CDH12: variants seen among roughly 807,000 people sequenced by gnomAD.
CDH12 encodes cadherin-12.
A neutral mutation model predicts 74.1 loss-of-function variants in CDH12; 41 were observed. The ratio of observed to expected loss-of-function variants is 0.55; its 90% CI spans 0.43 to 0.72. The LOEUF (loss-of-function observed/expected upper bound fraction) is 0.72, where lower values mean the gene tolerates loss of function less well. Among genes scored for constraint, CDH12 ranks in the 30% least tolerant of loss-of-function variants. The probability of loss-of-function intolerance (pLI) is 0.00; values close to 1 mark genes in which losing one functional copy is unlikely to be tolerated. For synonymous variants in CDH12, 399 were observed against 355.0 expected, an observed-to-expected ratio of 1.12 and a Z score of -1.39; for missense variants, 945 against 977.2, an observed-to-expected ratio of 0.97 and a Z score of 0.44.
At chr5:22,356,052 CAGTT>C (rs1292642332) in intron 3 of CDH12, among the ~76,000 whole-genome samples, 1 of 152,052 alleles carries the variant, frequency 6.6e-6, no homozygotes, top group East Asian at 1.9e-4. Context: ...AAAATAGAAG[CAGTT>C]AGAGCAGTCA....
chr5:22,577,212 TA>T (rs1326378233), intron 1 of CDH12, among the ~76,000 whole-genome samples: 147 of 152,184 alleles, frequency 9.7e-4, no homozygotes, highest in Middle Eastern at 3.4e-3. Flanking sequence ...CCCTCATCTA[TA>T]AAAAAACGGG....
At chr5:22,807,634 G>A (rs568707152) in intron 1 of CDH12, among the ~76,000 whole-genome samples, 1 of 152,290 alleles carries the variant, frequency 6.6e-6, no homozygotes, top group Admixed American at 6.5e-5. Flanking sequence ...ATGTGTTACA[G>A]CCTATTGCTC....
intron 6 of CDH12, among the ~76,000 whole-genome samples, chr5:21,875,383 T>A (rs1234353075): frequency 2.6e-5 from 4 of 152,224 alleles, no homozygotes. Context: ...GCTTAATAAC[T>A]GGCACTTAGT....
chr5:22,283,205 G>GATATATATAT (rs1229134274), intron 3 of CDH12, among the ~76,000 whole-genome samples: 15 of 107,982 alleles, frequency 1.4e-4, no homozygotes, highest in African/African-American at 5.0e-4. Context: ...ACATCTGTGA[G>GATATATATAT]ATATATATAT....
intron 4 of CDH12, among the ~76,000 whole-genome samples, chr5:22,087,898 T>C (rs1743172889): frequency 6.6e-6 from 1 of 152,180 alleles, no homozygotes; most frequent in Non-Finnish European, 1.5e-5. Context: ...TGGGGATTGA[T>C]GGTGAGCTGC....
At chr5:22,090,278 A>G (rs1223967894) in intron 4 of CDH12, among the ~76,000 whole-genome samples, 1 of 151,960 alleles carries the variant, frequency 6.6e-6, no homozygotes, top group Non-Finnish European at 1.5e-5. Flanking sequence ...AAATTAAACA[A>G]CATTGATGAA....
rs1580751119 is a variant in CDH12, at chr5:22,544,983, G to T, written c.-522-39619C>A. Among the ~76,000 whole-genome samples, 4 of 151,624 alleles carry T rather than the reference G, an allele frequency of 2.6e-5. No homozygotes were observed. In the South Asian group the frequency reaches 8.3e-4, roughly 32 times the overall value. ...TCTAGTGAGATGTGGCAAAAAAAAAGACTATTCCATCTACTCACACACGTA... is the reference window on the plus strand; with the variant it reads ...TCTAGTGAGATGTGGCAAAAAAAAATACTATTCCATCTACTCACACACGTA... On this transcript the variant is annotated intron_variant, in intron 1 of 14. Transcript: ENST00000382254.
At chr5:22,420,724 T>C (rs1419970048) in intron 2 of CDH12, among the ~76,000 whole-genome samples, 1 of 152,192 alleles carries the variant, frequency 6.6e-6, no homozygotes, top group East Asian at 1.9e-4. Context: ...TATAAGTCTG[T>C]GAAGAATGTC....
intron 3 of CDH12, among the ~76,000 whole-genome samples, chr5:22,244,630 G>A (rs1752862785): frequency 7.2e-6 from 1 of 139,846 alleles, no homozygotes; most frequent in African/African-American, 2.7e-5. Flanking sequence ...AGGGAAGGAA[G>A]GGAGGGAGGG....
intron 1 of CDH12, chr5:22,638,909 G>A (rs1226208813): frequency 2.0e-5 from 3 of 151,832 alleles, no homozygotes; most frequent in Non-Finnish European, 4.4e-5. Flanking sequence ...AAATTAGCCG[G>A]GCGTGATGGC....
At chr5:22,769,065 T>C (rs1333923398) in intron 1 of CDH12, among the ~76,000 whole-genome samples, 1 of 152,174 alleles carries the variant, frequency 6.6e-6, no homozygotes, top group Non-Finnish European at 1.5e-5. Flanking sequence ...TTAAAGCTTT[T>C]TCTTAAAAAG....
chr5:22,360,578 A>G (rs886638834), intron 3 of CDH12, among the ~76,000 whole-genome samples: 36 of 152,230 alleles, frequency 2.4e-4, no homozygotes, highest in Non-Finnish European at 4.7e-4. Flanking sequence ...AACTCATTTT[A>G]TGACGCCAGC....
At chr5:22,519,393 T>C (rs1370276616) in intron 1 of CDH12, among the ~76,000 whole-genome samples, 2 of 151,288 alleles carry the variant, frequency 1.3e-5, no homozygotes, top group Non-Finnish European at 2.9e-5. Flanking sequence ...AACATTCAAC[T>C]CCAATTTACA....
rs111620605 is a variant in CDH12 at position 22,572,662 on chromosome 5, A to T, written c.-522-67298T>A. 6.6e-3 allele frequency among the ~76,000 whole-genome samples: 1,003 copies of T among 152,308 alleles called. 10 individuals are homozygous for T. Among genetic ancestry groups the T allele is most frequent in the African/African-American group, 0.022 (923 of 41,572 alleles). On this transcript the variant is annotated intron_variant, in intron 1 of 14. Coordinates refer to ENST00000382254, the MANE Select transcript of CDH12 (RefSeq NM_004061.5). ...CTGTTTCTATATTAACATATGACAAAAAACAACCCTATCTTTTGGTTGAAT... is the reference window on the plus strand; with the variant it reads ...CTGTTTCTATATTAACATATGACAATAAACAACCCTATCTTTTGGTTGAAT...
At chr5:22,816,159 T>C (rs1749384018) in intron 1 of CDH12, among the ~76,000 whole-genome samples, 1 of 152,184 alleles carries the variant, frequency 6.6e-6, no homozygotes, top group African/African-American at 2.4e-5. Flanking sequence ...CTAATATTAC[T>C]TGAAAGCTAT....
intron 2 of CDH12, among the ~76,000 whole-genome samples, chr5:22,462,454 T>G (rs1001432998): frequency 6.6e-6 from 1 of 152,132 alleles, no homozygotes; most frequent in African/African-American, 2.4e-5. Flanking sequence ...GAGTTTCCAT[T>G]TTTGAAACAG....
At chr5:22,692,283 C>T (rs920017372) in intron 1 of CDH12, among the ~76,000 whole-genome samples, 3 of 152,156 alleles carry the variant, frequency 2.0e-5, no homozygotes, top group Non-Finnish European at 2.9e-5. Flanking sequence ...GGCTACAGAG[C>T]TATGAGCCAA....
chr5:22,236,519 G>T (rs1462194366), intron 3 of CDH12, among the ~76,000 whole-genome samples: 1 of 152,080 alleles, frequency 6.6e-6, no homozygotes. Context: ...GATCACTTAA[G>T]GTCAGGAGTT....
chr5:22,213,247 G>C (rs1236831539), intron 3 of CDH12, among the ~76,000 whole-genome samples: 1 of 152,016 alleles, frequency 6.6e-6, no homozygotes, highest in Non-Finnish European at 1.5e-5. Context: ...TTATAAAAAG[G>C]AAGTATTCAT....
Sources: gnomAD v4.1 joint callset for allele counts (sites outside exome capture counted in the v4.1 genomes callset) on GRCh38, gnomAD v4.1.1 for gene constraint, MANE v1.5 for transcripts, NCBI Gene and HGNC (gene_info 2026-07-23, HGNC 2026-07-21) for gene names.